Variants in TAFA1 observed in about 807,000 individuals in gnomAD.
TAFA1 encodes the protein chemokine-like protein TAFA-1.
In TAFA1, 4 loss-of-function variants were observed where a neutral mutation model predicts 18.5. The observed-to-expected ratio is 0.22, with a 90% CI of 0.11 to 0.49. TAFA1 has a LOEUF of 0.49. Among genes scored for constraint, TAFA1 ranks in the 20% least tolerant of loss-of-function variants. The pLI is 0.98. For synonymous variants in TAFA1, 56 were observed against 55.2 expected, an observed-to-expected ratio of 1.01 and a Z score of -0.06; for missense variants, 147 against 169.0, an observed-to-expected ratio of 0.87 and a Z score of 0.72.
At chr3:68,465,402 T>C (rs1419774779) in intron 3 of TAFA1, among the ~76,000 whole-genome samples, 5 of 152,146 alleles carry the variant, frequency 3.3e-5, no homozygotes, top group African/African-American at 4.8e-5. Flanking sequence ...CTAAAGAGTA[T>C]AAGTCATTAT....
chr3:68,123,294 G>A (rs1027403647), intron 2 of TAFA1, among the ~76,000 whole-genome samples: 1 of 152,136 alleles, frequency 6.6e-6, no homozygotes, highest in Admixed American at 6.5e-5. Context: ...GCATCTAAGG[G>A]CTTGGCAAAG....
chr3:68,311,698 C>T (rs934537143), intron 2 of TAFA1, among the ~76,000 whole-genome samples: 3 of 152,212 alleles, frequency 2.0e-5, no homozygotes, highest in African/African-American at 7.2e-5. Flanking sequence ...AGAATACAGC[C>T]TCCCTTCTGG....
intron 2 of TAFA1, among the ~76,000 whole-genome samples, chr3:68,389,241 A>G (rs1442804185): frequency 2.6e-5 from 4 of 152,170 alleles, no homozygotes; most frequent in Non-Finnish European, 5.9e-5. Flanking sequence ...CTTAAATATA[A>G]TATGTATTTG....
intron 2 of TAFA1, among the ~76,000 whole-genome samples, chr3:68,241,053 T>C (rs972636635): frequency 1.8e-4 from 27 of 152,176 alleles, no homozygotes; most frequent in African/African-American, 4.8e-4. Context: ...TAGATATAAA[T>C]CGTCACAGCA....
chr3:68,199,049 G>C (rs1409916573), intron 2 of TAFA1, among the ~76,000 whole-genome samples: 2 of 151,486 alleles, frequency 1.3e-5, no homozygotes, highest in African/African-American at 4.8e-5. Context: ...TTTTTATGAA[G>C]AGTATAAAGT....
intron 3 of TAFA1, among the ~76,000 whole-genome samples, chr3:68,501,696 A>C (rs1032339344): frequency 4.6e-5 from 7 of 152,158 alleles, no homozygotes; most frequent in African/African-American, 1.7e-4. Context: ...TAATTTACAA[A>C]CTGCAGGTTA....
At chr3:68,168,013 C>T (rs528874023) in intron 2 of TAFA1, among the ~76,000 whole-genome samples, 25 of 151,846 alleles carry the variant, frequency 1.6e-4, no homozygotes, top group Non-Finnish European at 3.1e-4. Context: ...TGTCATTGTC[C>T]TGTGGTAGTG....
intron 2 of TAFA1, among the ~76,000 whole-genome samples, chr3:68,018,430 T>A (rs1704612172): frequency 6.6e-6 from 1 of 152,202 alleles, no homozygotes; most frequent in Non-Finnish European, 1.5e-5. Flanking sequence ...TAACTCTAAC[T>A]CAAACCTAAG....
At chr3:68,346,911 T>C (rs565666581) in intron 2 of TAFA1, among the ~76,000 whole-genome samples, 7 of 152,294 alleles carry the variant, frequency 4.6e-5, no homozygotes, top group South Asian at 2.1e-4. Flanking sequence ...AGAAACAGTA[T>C]CATGACATAT....
At chr3:68,206,097 G>T (rs561323488) in intron 2 of TAFA1, among the ~76,000 whole-genome samples, 35 of 151,910 alleles carry the variant, frequency 2.3e-4, no homozygotes, top group African/African-American at 8.2e-4. Context: ...AAAAACCACA[G>T]ATTTACACAT....
At chr3:68,086,610 T>A (rs1216290833) in intron 2 of TAFA1, among the ~76,000 whole-genome samples, 1 of 152,226 alleles carries the variant, frequency 6.6e-6, no homozygotes. Context: ...TACTGGGATA[T>A]TTTAAAAGTA....
intron 2 of TAFA1, among the ~76,000 whole-genome samples, chr3:68,036,763 T>C (rs1169727811): frequency 1.3e-5 from 2 of 152,200 alleles, no homozygotes; most frequent in African/African-American, 4.8e-5. Flanking sequence ...TCTTGGCCAC[T>C]TTCTAATAAA....
intron 3 of TAFA1, among the ~76,000 whole-genome samples, chr3:68,459,649 G>C (rs957618503): frequency 1.3e-5 from 2 of 152,178 alleles, no homozygotes; most frequent in Non-Finnish European, 2.9e-5. Context: ...GCAGTTGATA[G>C]AAAGTATTAT....
intron 2 of TAFA1, among the ~76,000 whole-genome samples, chr3:68,184,674 A>G (rs1441453063): frequency 6.6e-6 from 1 of 152,144 alleles, no homozygotes; most frequent in Non-Finnish European, 1.5e-5. Flanking sequence ...TGTTGAACGA[A>G]TATTAGGTTT....
chr3:68,021,651 T>TAC (rs1406976233), intron 2 of TAFA1, among the ~76,000 whole-genome samples: 3 of 152,286 alleles, frequency 2.0e-5, no homozygotes, highest in Non-Finnish European at 2.9e-5. Flanking sequence ...TATTAAGAAT[T>TAC]ACATAACTAA....
At chr3:68,099,511 TG>T (rs2065123312) in intron 2 of TAFA1, among the ~76,000 whole-genome samples, 1 of 152,026 alleles carries the variant, frequency 6.6e-6, no homozygotes, top group Non-Finnish European at 1.5e-5. Flanking sequence ...CAACAGGTGC[TG>T]GTGAGTCTGT....
At chr3:68,438,820 G>C (rs1010869106) in intron 3 of TAFA1, among the ~76,000 whole-genome samples, 1 of 152,096 alleles carries the variant, frequency 6.6e-6, no homozygotes, top group Non-Finnish European at 1.5e-5. Context: ...ATCTTCTGGG[G>C]AGTGGGTTTC....
chr3:68,485,429 A>G (rs1436404974), intron 3 of TAFA1, among the ~76,000 whole-genome samples: 1 of 152,050 alleles, frequency 6.6e-6, no homozygotes, highest in Non-Finnish European at 1.5e-5. Flanking sequence ...AAAGTCCATC[A>G]TTTTTTGCCT....
chr3:68,141,610 C>T, intron 2 of TAFA1, among the ~76,000 whole-genome samples: 1 of 152,102 alleles, frequency 6.6e-6, no homozygotes, highest in South Asian at 2.1e-4. Context: ...ATACCTATAC[C>T]AGAGTTATTG....
Sources: allele counts gnomAD v4.1 joint callset (sites outside exome capture counted in the v4.1 genomes callset), GRCh38; gene constraint gnomAD v4.1.1; transcripts MANE v1.5; gene names NCBI Gene and HGNC (gene_info 2026-07-23, HGNC 2026-07-21).